Variants in INAVA observed in about 807,000 individuals in gnomAD.
INAVA encodes the protein innate immunity activator protein.
A neutral mutation model predicts 55.3 loss-of-function variants in INAVA; 32 were observed. The observed-to-expected ratio is 0.58, with a 90% CI of 0.44 to 0.78. The LOEUF (loss-of-function observed/expected upper bound fraction) is 0.78, where lower values mean the gene tolerates loss of function less well. Ranked by LOEUF, INAVA falls within the 30% of genes least tolerant of loss-of-function variation. The probability of loss-of-function intolerance (pLI) is 0.00; values close to 1 mark genes in which losing one functional copy is unlikely to be tolerated. For missense variants in INAVA, 756 were observed against 786.4 expected (o/e 0.96, Z 0.46); for synonymous variants, 294 against 329.4 (o/e 0.89, Z 1.16).
intron 5 of INAVA, among the ~76,000 whole-genome samples, chr1:200,907,220 T>C (rs1018395391): frequency 6.6e-6 from 1 of 152,206 alleles, no homozygotes; most frequent in Non-Finnish European, 1.5e-5. Context: ...CTTTTTCTTT[T>C]TTTTTGACAG....
At chr1:200,896,043 C>A (rs1210133148) in intron 1 of INAVA, among the ~76,000 whole-genome samples, 2 of 152,076 alleles carry the variant, frequency 1.3e-5, no homozygotes, top group African/African-American at 4.8e-5. Context: ...CTGGGCTGAG[C>A]TGGGAGAAGG....
chr1:200,907,262 G>C (rs528479790), intron 5 of INAVA, among the ~76,000 whole-genome samples: 37 of 152,208 alleles, frequency 2.4e-4, no homozygotes, highest in Non-Finnish European at 3.4e-4. Flanking sequence ...GCATTGAAAT[G>C]GTTTATTCAA....
At position 200,908,771 on chromosome 1, in the gene INAVA, C is replaced by A. The variant is rs1382314744; in HGVS notation, c.616C>A (p.Pro206Thr). The A allele has an allele frequency of 6.2e-7, 1 of 1,608,206 alleles. No homozygotes were observed. Residue 206 changes from proline (P) to threonine (T), a missense_variant, in exon 7 of 10, where the codon CCA becomes ACA. Transcript: ENST00000413687. ...AAAACCTCCTCCAGAGTCTCCAGCC[C>A]CACCTTCTCGGCCTCTCCCACCCCA... Reference protein sequence around the residue: ...VPKPPPESPAPPSRPLPPQTL... With the variant: ...VPKPPPESPATPSRPLPPQTL...
intron 1 of INAVA, among the ~76,000 whole-genome samples, chr1:200,896,788 C>G (rs575362671): frequency 7.9e-5 from 12 of 152,368 alleles, no homozygotes; most frequent in African/African-American, 2.9e-4. Flanking sequence ...TGCTTTGTTA[C>G]CAGCTTTCCC....
intron 1 of INAVA, among the ~76,000 whole-genome samples, chr1:200,897,241 A>G (rs766300447): frequency 8.5e-5 from 13 of 152,112 alleles, no homozygotes; most frequent in Non-Finnish European, 1.8e-4. Context: ...TGCTCTAGTC[A>G]CTGCTTGCCC....
At chr1:200,900,433 AAGGG>A (rs1012038240) in intron 4 of INAVA, among the ~76,000 whole-genome samples, 1 of 152,218 alleles carries the variant, frequency 6.6e-6, no homozygotes, top group Non-Finnish European at 1.5e-5. Context: ...CTGGGAGCTC[AAGGG>A]AGGACACTGG....
chr1:200,904,596 G>A (rs1156391516), intron 5 of INAVA, among the ~76,000 whole-genome samples: 2 of 152,224 alleles, frequency 1.3e-5, no homozygotes, highest in Admixed American at 6.5e-5. Context: ...GCATTTGTGA[G>A]TAAAATCTCC....
chr1:200,894,949 A>C lies in INAVA; in HGVS notation c.-233A>C. 6 of 985,676 alleles carry C rather than the reference A, an allele frequency of 6.1e-6. No homozygotes were observed. The highest frequency in any genetic ancestry group is 7.2e-6 in the Non-Finnish European group (6 of 830,132). 61.1% of individuals were successfully genotyped at this position (985,676 alleles called of 1,614,324 possible). ...TAGGCAGGTGAGCCGAGACGGACGG[A>C]CGGCCAGCAGCTCCGTCAGCTGGAG... On this transcript the variant is annotated 5_prime_UTR_variant, in exon 1 of 10. Transcript: ENST00000413687.
At position 200,908,722 on chromosome 1, in the gene INAVA, T is replaced by A. The variant is rs41299637; in HGVS notation, c.575-8T>A. 31 of 1,545,182 alleles carry A rather than the reference T, an allele frequency of 2.0e-5. No homozygotes were observed. The highest frequency in any genetic ancestry group is 2.6e-5 in the Non-Finnish European group (30 of 1,146,890). On this transcript the variant is annotated splice_polypyrimidine_tract_variant and splice_region_variant and intron_variant, in intron 6 of 9. Coordinates refer to ENST00000413687, the MANE Select transcript of INAVA (RefSeq NM_001142569.3). ...TCTGGCCTTACCAGGTTTCTTTTAC[T>A]CCTGCAGAGGAATCCCAAGTGCCAA...
At chr1:200,912,964 G>A (rs946548961) in intron 9 of INAVA, among the ~76,000 whole-genome samples, 8 of 152,150 alleles carry the variant, frequency 5.3e-5, no homozygotes, top group African/African-American at 1.9e-4. Context: ...CTGGAAGTGG[G>A]GAGCCACACA....
chr1:200,906,055 G>A (rs1433136193), intron 5 of INAVA: 3 of 152,218 alleles, frequency 2.0e-5, no homozygotes, highest in African/African-American at 7.2e-5. Flanking sequence ...TCTACCTTAC[G>A]TGGTTGTTAT....
chr1:200,908,353 G>A (rs1365023977), intron 6 of INAVA: 2 of 209,698 alleles, frequency 9.5e-6, no homozygotes, highest in African/African-American at 4.6e-5. Context: ...GTCCTGCCCA[G>A]GGGAGTGCCC....
chr1:200,912,027 C>T lies in INAVA; in HGVS notation c.1534C>T (p.Arg512Cys), dbSNP rs1181234108. ...GCTCAAGTGGTGGCACGAGCGTGCA[C>T]GCCTCCGGAGCACCCGCCCCCACTC... ...EELKWWHERA[R>C]LRSTRPHSLD... Residue 512 changes from arginine to cysteine, a missense_variant, in exon 9 of 10, where the codon CGC becomes TGC. Around this residue, in one of 2 missense-constraint regions of INAVA, gnomAD observed 117 missense variants for 162.1 expected, o/e 0.72. Transcript: ENST00000413687. The T allele has an allele frequency of 1.9e-6, 3 of 1,541,928 alleles. No homozygotes were observed. The highest frequency in any genetic ancestry group is 2.6e-6 in the Non-Finnish European group (3 of 1,145,798).
At chr1:200,896,582 C>A (rs1483555195) in intron 1 of INAVA, among the ~76,000 whole-genome samples, 1 of 152,204 alleles carries the variant, frequency 6.6e-6, no homozygotes, top group Non-Finnish European at 1.5e-5. Flanking sequence ...TCTAGACTTC[C>A]TTGAATAATT....
intron 2 of INAVA, among the ~76,000 whole-genome samples, chr1:200,898,768 A>G (rs1653078865): frequency 1.3e-5 from 2 of 152,230 alleles, no homozygotes; most frequent in Admixed American, 1.3e-4. Flanking sequence ...AGGCAGGCAC[A>G]GTGGCTCATG....
intron 9 of INAVA, among the ~76,000 whole-genome samples, chr1:200,912,624 AG>A (rs1485703024): frequency 3.3e-5 from 5 of 152,076 alleles, no homozygotes; most frequent in Admixed American, 2.0e-4. Flanking sequence ...GGGTGGCATC[AG>A]AGTTAAGAGC....
At position 200,909,385 on chromosome 1, in the gene INAVA, C is replaced by T. The variant is rs761605707; in HGVS notation, c.947C>T (p.Ser316Leu). Residue 316 changes from serine to leucine, a missense_variant, in exon 8 of 10, where the codon TCG (serine) becomes TTG (leucine). Transcript: ENST00000413687. ...GAGATACAGGGGAGGAGGGGCCAGT[C>T]GCAGTCTCTGAGGTAAGAGACAGCT... ...TPEIQGRRGQ[S>L]QSLRVDSFRA... is the part of the protein sequence containing the mutation. 24 of 1,598,940 alleles carry T rather than the reference C, an allele frequency of 1.5e-5. No individual in the cohort carries two copies. Among genetic ancestry groups the T allele is most frequent in the Admixed American group, 3.4e-5 (2 of 59,050 alleles).
At chr1:200,895,334 C>T (rs958301849) in intron 1 of INAVA, among the ~76,000 whole-genome samples, 1 of 152,078 alleles carries the variant, frequency 6.6e-6, no homozygotes, top group Non-Finnish European at 1.5e-5. Flanking sequence ...GGCCTGAGAC[C>T]TGGCTTTGGG....
At chr1:200,893,535 G>A (rs1668276538), upstream of INAVA, among the ~76,000 whole-genome samples, 1 of 152,178 alleles carries the variant, frequency 6.6e-6, no homozygotes, top group African/African-American at 2.4e-5. Context: ...GTGTCACGGA[G>A]GACTGGGGAA....
Sources: allele counts gnomAD v4.1 joint callset (sites outside exome capture counted in the v4.1 genomes callset), GRCh38; gene constraint gnomAD v4.1.1; regional missense constraint gnomAD v4.1.1; transcripts MANE v1.5; gene names NCBI Gene and HGNC (gene_info 2026-07-23, HGNC 2026-07-21).